The following EDIL3 variants were observed in gnomAD, a reference collection of about 807,000 sequenced individuals.
EDIL3 encodes EGF-like repeat and discoidin I-like domain-containing protein 3.
Under a neutral mutation model 67.4 loss-of-function variants are expected in EDIL3, and 37 were observed. The ratio of observed to expected loss-of-function variants is 0.55; its 90% CI spans 0.42 to 0.72. The LOEUF is 0.72. Among genes scored for constraint, EDIL3 ranks in the 30% least tolerant of loss-of-function variants. The pLI is 0.00. For synonymous variants in EDIL3, 195 were observed against 196.3 expected, an observed-to-expected ratio of 0.99 and a Z score of 0.05; for missense variants, 527 against 586.3, an observed-to-expected ratio of 0.90 and a Z score of 1.04.
At chr5:83,963,434 A>G in intron 9 of EDIL3, 74 bp from the exon 10 acceptor site, 2 of 1,456,344 alleles carry the variant, frequency 1.4e-6, no homozygotes, top group Non-Finnish European at 1.8e-6. Flanking sequence ...TGATGTCAAG[A>G]GAATAAAACT....
At chr5:84,016,586 T>C (rs972472017) in intron 9 of EDIL3, among the ~76,000 whole-genome samples, 5 of 152,174 alleles carry the variant, frequency 3.3e-5, no homozygotes, top group African/African-American at 1.2e-4. Context: ...TGATCTCACA[T>C]GATGGGTCAC....
chr5:84,357,442 C>T (rs1390328579), intron 1 of EDIL3, among the ~76,000 whole-genome samples: 1 of 152,084 alleles, frequency 6.6e-6, no homozygotes, highest in Non-Finnish European at 1.5e-5. Context: ...AAGCAGATGG[C>T]CCATTTATCT....
intron 6 of EDIL3, among the ~76,000 whole-genome samples, chr5:84,067,821 T>C (rs988573551): frequency 3.3e-5 from 5 of 152,192 alleles, no homozygotes; most frequent in South Asian, 2.1e-4. Context: ...GTCTTGTTCA[T>C]ATATAAAGAA....
At chr5:84,156,796 G>A (rs182640069) in intron 4 of EDIL3, among the ~76,000 whole-genome samples, 14 of 152,060 alleles carry the variant, frequency 9.2e-5, no homozygotes, top group Non-Finnish European at 1.2e-4. Context: ...TTCCCTAAGA[G>A]AGCAATAATC....
chr5:84,111,158 T>G (rs1429348574), intron 5 of EDIL3, among the ~76,000 whole-genome samples: 8 of 152,168 alleles, frequency 5.3e-5, no homozygotes, highest in Non-Finnish European at 1.0e-4. Context: ...CCCCCATGAT[T>G]GTAAGTTTCC....
rs553147189 is a variant in EDIL3, at chr5:84,056,323, G to T, written c.1137+3977C>A. Among the ~76,000 whole-genome samples the T allele has an allele frequency of 2.0e-5, 3 of 148,600 alleles. No individual in the cohort carries two copies. In the South Asian group the frequency reaches 6.4e-4, roughly 32 times the overall value. ...ACATCATATACCGGGGCCTGTTGTG[G>T]GGTGGGGTGAGGGGGGAGGTATACC... On this transcript the variant is annotated intron_variant, in intron 9 of 10. Coordinates refer to ENST00000296591, the MANE Select transcript of EDIL3 (RefSeq NM_005711.5).
At chr5:84,079,224 C>T (rs181309045) in intron 6 of EDIL3, among the ~76,000 whole-genome samples, 34 of 152,076 alleles carry the variant, frequency 2.2e-4, no homozygotes, top group Non-Finnish European at 4.3e-4. Flanking sequence ...TCATCTGTAT[C>T]CTTTGTAATA....
chr5:84,174,692 C>G (rs190142799), intron 4 of EDIL3, among the ~76,000 whole-genome samples: 44 of 152,278 alleles, frequency 2.9e-4, no homozygotes, highest in Non-Finnish European at 4.6e-4. Context: ...ACTGTGGCCT[C>G]TCTCTAGAAC....
rs569241855 is a variant in EDIL3, at chr5:84,384,556, G to A, written c.-182C>T. ...AGAGGGCGAGAGTGGTGACTAAAGAGAGGAGCCTTTCCTCCCCTTTTGCCT... is the reference window on the plus strand; with the variant it reads ...AGAGGGCGAGAGTGGTGACTAAAGAAAGGAGCCTTTCCTCCCCTTTTGCCT... On this transcript the variant is annotated 5_prime_UTR_variant, in exon 1 of 11. Transcript: ENST00000296591. 3 of 524,210 alleles carry A rather than the reference G, an allele frequency of 5.7e-6. No individual in the cohort carries two copies. Among genetic ancestry groups the A allele is most frequent in the Non-Finnish European group, 9.7e-6 (3 of 309,158 alleles). The allele number at this position is 524,210 out of a possible 1,614,324, so 32.5% of individuals were successfully genotyped here.
At chr5:84,040,528 T>C (rs1746101745) in intron 9 of EDIL3, among the ~76,000 whole-genome samples, 2 of 149,312 alleles carry the variant, frequency 1.3e-5, no homozygotes, top group South Asian at 4.2e-4. Context: ...TATATATATA[T>C]ATTCTAGCCA....
chr5:83,980,611 C>G (rs748886243), intron 9 of EDIL3, among the ~76,000 whole-genome samples: 7 of 150,412 alleles, frequency 4.7e-5, no homozygotes, highest in Non-Finnish European at 8.9e-5. Context: ...TTGCTTGAAC[C>G]TGGGAGGCGG....
At position 83,943,499 on chromosome 5, in the gene EDIL3, G is replaced by A. The variant is rs781141640; in HGVS notation, c.1363C>T (p.His455Tyr). 3 of 1,612,732 alleles carry A rather than the reference G, an allele frequency of 1.9e-6. No homozygotes were observed. Among genetic ancestry groups the A allele is most frequent in the Non-Finnish European group, 2.5e-6 (3 of 1,179,220 alleles). Reference sequence around the variant, plus strand: ...CAGGACCAAGGAAGGATTCTTATGTGTCGTGCATAGATGGGAGGGTCGATG... The same window carrying A: ...CAGGACCAAGGAAGGATTCTTATGTATCGTGCATAGATGGGAGGGTCGATG... The part of the protein sequence containing the change: ...NVIDPPIYAR[H>Y]IRILPWSWYG... The change falls in exon 11 of 11, where the codon CAC becomes TAC. Residue 455 changes from histidine to tyrosine, a missense_variant. This residue lies in a region of EDIL3 where 33 missense variants were observed against 63.7 expected (regional missense o/e 0.52). Transcript: ENST00000296591.
At chr5:84,209,767 T>C (rs1276887440) in intron 3 of EDIL3, among the ~76,000 whole-genome samples, 1 of 152,208 alleles carries the variant, frequency 6.6e-6, no homozygotes, top group African/African-American at 2.4e-5. Flanking sequence ...ACGAATTTAT[T>C]GAGTGTCTAG....
rs1314022215 is a variant in EDIL3, at chr5:84,205,892, T to C, written c.226+23963A>G. Among the ~76,000 whole-genome samples the C allele has an allele frequency of 3.3e-5, 5 of 149,670 alleles. No homozygotes were observed. In the South Asian group the frequency reaches 1.1e-3, roughly 32 times the overall value. ...CTGGATTCATTAATTTTTTGAAGGG[T>C]TTTTTGTGTCTCTATTTCCTTCAGT... On this transcript the variant is annotated intron_variant, in intron 3 of 10. Transcript: ENST00000296591.
At chr5:84,339,294 T>C (rs1320434251) in intron 1 of EDIL3, among the ~76,000 whole-genome samples, 1 of 152,162 alleles carries the variant, frequency 6.6e-6, no homozygotes, top group Non-Finnish European at 1.5e-5. Context: ...AAGGGTTGGA[T>C]GCATTAATAA....
chr5:84,161,105 T>C (rs1469900986), intron 4 of EDIL3, among the ~76,000 whole-genome samples: 1 of 152,038 alleles, frequency 6.6e-6, no homozygotes, highest in Non-Finnish European at 1.5e-5. Flanking sequence ...GGTTTTCCAT[T>C]CCTGAGTTTC....
At chr5:84,334,103 G>A (rs1448789491) in intron 1 of EDIL3, among the ~76,000 whole-genome samples, 2 of 143,290 alleles carry the variant, frequency 1.4e-5, no homozygotes, top group Admixed American at 7.1e-5. Flanking sequence ...TTTTGCTCTT[G>A]TCACTCAGGT....
At chr5:84,156,977 T>C (rs999868644) in intron 4 of EDIL3, among the ~76,000 whole-genome samples, 1 of 152,176 alleles carries the variant, frequency 6.6e-6, no homozygotes, top group Admixed American at 6.5e-5. Context: ...TTAAACACAG[T>C]TGAGTTTCTT....
At chr5:84,002,651 G>A (rs1299356290) in intron 9 of EDIL3, among the ~76,000 whole-genome samples, 1 of 152,118 alleles carries the variant, frequency 6.6e-6, no homozygotes, top group African/African-American at 2.4e-5. Flanking sequence ...TGAAATACCT[G>A]AAAAAGAAAT....
Sources: allele counts gnomAD v4.1 joint callset (sites outside exome capture counted in the v4.1 genomes callset), GRCh38; gene constraint gnomAD v4.1.1; regional missense constraint gnomAD v4.1.1; transcripts MANE v1.5; gene names NCBI Gene and HGNC (gene_info 2026-07-23, HGNC 2026-07-21).